Variants in WASHC2C observed in about 807,000 individuals in gnomAD.
WASHC2C encodes the protein Vaccinia Penetration Factor.
A neutral mutation model predicts 142.2 loss-of-function variants in WASHC2C; 73 were observed. That is an observed-to-expected ratio of 0.51 (90% CI 0.43 to 0.62). The LOEUF (loss-of-function observed/expected upper bound fraction) is 0.62. Ranked by LOEUF, WASHC2C falls within the 20% of genes least tolerant of loss-of-function variation. The pLI, the probability that WASHC2C is intolerant of heterozygous loss-of-function variation, is 0.00. For synonymous variants in WASHC2C, 337 were observed against 565.5 expected, an observed-to-expected ratio of 0.60 and a Z score of 5.73; for missense variants, 969 against 1,531.7, an observed-to-expected ratio of 0.63 and a Z score of 6.13.
chr10:45,775,468 C>T (rs2135477097), intron 21 of WASHC2C, among the ~76,000 whole-genome samples: 1 of 130,464 alleles, frequency 7.7e-6, no homozygotes, highest in South Asian at 2.6e-4. Flanking sequence ...GCCTGGGCAA[C>T]AGAGTGAGAC....
intron 21 of WASHC2C, among the ~76,000 whole-genome samples, chr10:45,776,289 G>C (rs1345703028): frequency 3.3e-5 from 5 of 152,270 alleles, no homozygotes; most frequent in Non-Finnish European, 7.3e-5. Flanking sequence ...CATATGGTAT[G>C]ATTTGTATCT....
intron 23 of WASHC2C, among the ~76,000 whole-genome samples, chr10:45,784,293 C>CAT (rs1286811903): frequency 0.034 from 2,125 of 63,428 alleles, 124 homozygotes; most frequent in African/African-American, 0.087. Flanking sequence ...TATATATACA[C>CAT]ATATATATAT....
intron 23 of WASHC2C, among the ~76,000 whole-genome samples, chr10:45,780,009 A>G (rs1319501480): frequency 9.3e-5 from 14 of 151,294 alleles, no homozygotes; most frequent in Non-Finnish European, 1.8e-4. Flanking sequence ...AAAATAGATG[A>G]TGGTCATTCT....
At chr10:45,754,255 A>G (rs1166882972) in intron 13 of WASHC2C, among the ~76,000 whole-genome samples, 30 of 152,330 alleles carry the variant, frequency 2.0e-4, no homozygotes, top group Middle Eastern at 6.8e-3. Context: ...GATGACGGTC[A>G]GCATGCTCTT....
chr10:45,727,608 A>G, intron 2 of WASHC2C, 69 bp downstream of exon 2: 1 of 1,480,690 alleles, frequency 6.8e-7, no homozygotes, highest in Non-Finnish European at 9.0e-7. Flanking sequence ...GGAGGGCCGG[A>G]CCGCGACTGC....
chr10:45,759,595 G>A (rs1402595893), intron 17 of WASHC2C, among the ~76,000 whole-genome samples, 194 bp downstream of exon 17: 6 of 152,030 alleles, frequency 3.9e-5, no homozygotes, highest in African/African-American at 7.3e-5. Flanking sequence ...CAAGGCAGGC[G>A]GATACCTGAG....
chr10:45,731,669 A>G (rs1300443883), intron 3 of WASHC2C, among the ~76,000 whole-genome samples: 3 of 152,228 alleles, frequency 2.0e-5, no homozygotes, highest in Non-Finnish European at 2.9e-5. Flanking sequence ...CAGACCTTCC[A>G]TAAGGCCACA....
intron 8 of WASHC2C, among the ~76,000 whole-genome samples, chr10:45,747,783 G>C (rs1405478641): frequency 2.7e-5 from 4 of 150,928 alleles, no homozygotes; most frequent in Non-Finnish European, 2.9e-5. Flanking sequence ...AGTGGAGTCA[G>C]GGTCTTCCCA....
chr10:45,755,009 A>C lies in WASHC2C; in HGVS notation c.1314A>C (p.Pro438=). The C allele has an allele frequency of 6.2e-7, 1 of 1,611,954 alleles. No homozygotes were observed. Among genetic ancestry groups the C allele is most frequent in the Non-Finnish European group, 8.5e-7 (1 of 1,179,836 alleles). Residue 438 remains proline, a synonymous_variant, in exon 15 of 31, where the codon CCA becomes CCC. Transcript: ENST00000623400. ...CACAGAAGCCTGAGCAGCCCACTCCAAGGAAAAGCCCCTATGGTCCCCCTC... is the reference window on the plus strand; with the variant it reads ...CACAGAAGCCTGAGCAGCCCACTCCCAGGAAAAGCCCCTATGGTCCCCCTC... ...KEPQKPEQPT[P]RKSPYGPPPT... is the part of the protein sequence containing the mutation.
At chr10:45,738,171 C>A in intron 4 of WASHC2C, 126 bp downstream of exon 4, 13 of 1,592,408 alleles carry the variant, frequency 8.2e-6, no homozygotes, top group Non-Finnish European at 1.1e-5. Flanking sequence ...CTCCTGACAG[C>A]AGCCCAAGAG....
chr10:45,739,712 C>T (rs1398097298), intron 4 of WASHC2C, among the ~76,000 whole-genome samples: 4 of 151,800 alleles, frequency 2.6e-5, no homozygotes, highest in South Asian at 2.1e-4. Flanking sequence ...AACCAGGGCT[C>T]GTGGGATAGT....
chr10:45,754,787 G>A (rs1391836150), intron 14 of WASHC2C, 149 bp from the exon 15 acceptor site: 8 of 1,363,232 alleles, frequency 5.9e-6, no homozygotes, highest in Non-Finnish European at 8.1e-6. Flanking sequence ...ATGTTCTGTA[G>A]CAGTAATGGA....
At chr10:45,791,871 C>T (rs2058413789) in intron 30 of WASHC2C, among the ~76,000 whole-genome samples, 1 of 145,930 alleles carries the variant, frequency 6.9e-6, no homozygotes, top group Admixed American at 7.1e-5. Flanking sequence ...CAGGTGGGTC[C>T]TATATTGGAT....
chr10:45,741,821 A>T (rs2052094324), intron 5 of WASHC2C, among the ~76,000 whole-genome samples: 1 of 147,154 alleles, frequency 6.8e-6, no homozygotes, highest in African/African-American at 2.6e-5. Flanking sequence ...TTTTTGAGAC[A>T]GAGTTTCACT....
In WASHC2C at chr10:45,784,244, G is replaced by A. The variant is rs1286755076; in HGVS notation, c.2479-321G>A. Among the ~76,000 whole-genome samples the A allele has an allele frequency of 1.1e-3, 44 of 38,912 alleles. 1 individual carries two copies. The highest frequency in any genetic ancestry group is 0.011 in the Middle Eastern group (1 of 94). 25.5% of individuals were successfully genotyped at this position (38,912 alleles called of 152,430 possible). A position where few individuals can be genotyped will look rare whatever the true frequency, so the allele number is the denominator to read the frequency against. On this transcript the variant is annotated intron_variant, in intron 23 of 30. Coordinates refer to ENST00000623400, the MANE Select transcript of WASHC2C (RefSeq NM_001330074.2). ...AGCTTGTGCATATATATATATATGTGTGTGTGTGTATATATATATATATAT... is the reference window on the plus strand; with the variant it reads ...AGCTTGTGCATATATATATATATGTATGTGTGTGTATATATATATATATAT...
In WASHC2C at chr10:45,789,155, A is replaced by T; in HGVS notation, c.3372A>T (p.Arg1124Ser). The T allele has an allele frequency of 6.2e-7, 1 of 1,612,036 alleles. No homozygotes were observed. The highest frequency in any genetic ancestry group is 8.5e-7 in the Non-Finnish European group (1 of 1,179,860). Residue 1124 changes from arginine to serine, a missense_variant, in exon 29 of 31, where the codon AGA becomes AGT. Coordinates refer to ENST00000623400, the MANE Select transcript of WASHC2C (RefSeq NM_001330074.2). ...TTGCAAAGTCTCTGGGTCATTCCAG[A>T]GGGGAGGCTGACCTTTTTGATTCTG... The part of the protein sequence containing the change: ...SPFAKSLGHS[R>S]GEADLFDSGD...
intron 3 of WASHC2C, among the ~76,000 whole-genome samples, chr10:45,736,438 G>C (rs1178780160): frequency 6.5e-5 from 6 of 92,500 alleles, no homozygotes; most frequent in Non-Finnish European, 7.3e-5. Context: ...AAAAAAAAAA[G>C]GGCAAAAACA....
In WASHC2C at chr10:45,790,925, TG is replaced by T. The variant is rs1311155274; in HGVS notation, c.3886+394del. 4.3e-4 allele frequency among the ~76,000 whole-genome samples: 65 copies of T among 152,254 alleles called. No individual in the cohort carries two copies. In the East Asian group the frequency reaches 0.012, roughly 28 times the overall value. On this transcript the variant is annotated intron_variant, in intron 30 of 30. Transcript: ENST00000623400. ...TGGTTGGTTGAGTCAGAGCTCCAGA[TG>T]GACAGGGAGTGTCCATGGTTCTGTG...
chr10:45,784,311 T>C lies in WASHC2C; in HGVS notation c.2479-254T>C, dbSNP rs1412741904. 7.9e-3 allele frequency among the ~76,000 whole-genome samples: 460 copies of C among 57,994 alleles called. 19 individuals are homozygous for C. In the East Asian group the frequency reaches 0.19, roughly 24 times the overall value. The allele number at this position is 57,994 out of a possible 152,430, so 38.0% of individuals were successfully genotyped here. ...ATATACACATATATATATATATATA[T>C]ACACACACATATATATATATATGTA... On this transcript the variant is annotated intron_variant, in intron 23 of 30. Coordinates refer to ENST00000623400, the MANE Select transcript of WASHC2C (RefSeq NM_001330074.2).
Sources: allele counts gnomAD v4.1 joint callset (sites outside exome capture counted in the v4.1 genomes callset), GRCh38; gene constraint gnomAD v4.1.1; transcripts MANE v1.5; gene names NCBI Gene and HGNC (gene_info 2026-07-23, HGNC 2026-07-21).